The following CARNMT1 variants were observed in gnomAD, a reference collection of about 807,000 sequenced individuals.
CARNMT1 encodes the protein protein-L-histidine N-pros-methyltransferase CARNMT1.
A neutral mutation model predicts 49.6 loss-of-function variants in CARNMT1; 28 were observed. That is an observed-to-expected ratio of 0.56 (90% CI 0.42 to 0.77). The LOEUF (loss-of-function observed/expected upper bound fraction) is 0.77. Among genes scored for constraint, CARNMT1 ranks in the 30% least tolerant of loss-of-function variants. CARNMT1 has a pLI of 0.00. For missense variants in CARNMT1, 421 were observed against 512.6 expected (o/e 0.82, Z 1.73); for synonymous variants, 178 against 175.0 (o/e 1.02, Z -0.13).
chr9:74,981,911 GTTTT>G lies in CARNMT1; in HGVS notation c.*1852_*1855del, dbSNP rs5898389. ...TTCTTCTTTTAAAACAATAATTTGAGTTTTTTTTTTCTTCCTTGCCACTAAATTC... is the reference window on the plus strand; with the variant it reads ...TTCTTCTTTTAAAACAATAATTTGAGTTTTTTCTTCCTTGCCACTAAATTC... On this transcript the variant is annotated 3_prime_UTR_variant, in exon 8 of 8. Transcript: ENST00000376834. 6.8e-6 allele frequency: 1 copy of G among 146,650 alleles called. No homozygotes were observed. Among genetic ancestry groups the G allele is most frequent in the Admixed American group, 6.9e-5 (1 of 14,530 alleles). The allele number at this position is 146,650 out of a possible 1,614,324, so 9.1% of individuals were successfully genotyped here.
intron 6 of CARNMT1, among the ~76,000 whole-genome samples, chr9:74,990,482 ATGTATG>A (rs1832977500): frequency 6.6e-6 from 1 of 152,148 alleles, no homozygotes; most frequent in South Asian, 2.1e-4. Context: ...GTTTGTGTGT[ATGTATG>A]TGTGTGTGTT....
chr9:75,027,744 A>G (rs2118889272), intron 1 of CARNMT1, among the ~76,000 whole-genome samples: 1 of 152,338 alleles, frequency 6.6e-6, no homozygotes, highest in East Asian at 1.9e-4. Context: ...AACCTTTACG[A>G]GGACGGAGGC....
In CARNMT1 at chr9:74,984,895, T is replaced by C. The variant is rs1182784257; in HGVS notation, c.1128+12A>G. 9 of 1,576,092 alleles carry C rather than the reference T, an allele frequency of 5.7e-6. No individual in the cohort carries two copies. The highest frequency in any genetic ancestry group is 2.7e-5 in the African/African-American group (2 of 74,164). The stretch of plus-strand genomic sequence containing the variant: ...GGAGTTAAACTTTGGCAATATTTTA[T>C]TCCATTCTTACCTCTACCTTGAATC... On this transcript the variant is annotated intron_variant, in intron 7 of 7. Coordinates refer to ENST00000376834, the MANE Select transcript of CARNMT1 (RefSeq NM_152420.3).
At chr9:75,021,436 A>G (rs1200270308) in intron 1 of CARNMT1, among the ~76,000 whole-genome samples, 1 of 145,988 alleles carries the variant, frequency 6.8e-6, no homozygotes, top group Non-Finnish European at 1.5e-5. Flanking sequence ...TAAATAGTAT[A>G]TATAATATAA....
At chr9:75,005,347 A>G (rs542231600) in intron 3 of CARNMT1, among the ~76,000 whole-genome samples, 1 of 152,356 alleles carries the variant, frequency 6.6e-6, no homozygotes, top group South Asian at 2.1e-4. Flanking sequence ...TGTGCTTGCA[A>G]ACTCAGGCAT....
intron 3 of CARNMT1, among the ~76,000 whole-genome samples, chr9:75,005,864 ACACACACAC>A (rs983736380): frequency 2.7e-5 from 4 of 150,258 alleles, no homozygotes; most frequent in African/African-American, 7.5e-5. Context: ...ACACACACAC[ACACACACAC>A]AATAAAAGGC....
rs1174890032 is a variant in CARNMT1 at position 74,982,308 on chromosome 9, T to C, written c.*1459A>G. 1 of 152,212 alleles carries C rather than the reference T, an allele frequency of 6.6e-6. No individual in the cohort carries two copies. The highest frequency in any genetic ancestry group is 2.4e-5 in the African/African-American group (1 of 41,462). The allele number at this position is 152,212 out of a possible 1,614,324, so 9.4% of individuals were successfully genotyped here. A position where few individuals can be genotyped will look rare whatever the true frequency, so the allele number is the denominator to read the frequency against. On this transcript the variant is annotated 3_prime_UTR_variant, in exon 8 of 8. Transcript: ENST00000376834. ...CTAATTTAAATTGCCACAGAGGTCA[T>C]TTAAAGCAATCACAATCATCTGTGA...
chr9:75,015,384 T>C (rs917187838), intron 3 of CARNMT1, among the ~76,000 whole-genome samples: 5 of 152,216 alleles, frequency 3.3e-5, no homozygotes, highest in African/African-American at 9.6e-5. Flanking sequence ...AAGTGATATA[T>C]GATTTAAAAA....
intron 1 of CARNMT1, among the ~76,000 whole-genome samples, chr9:75,017,673 T>C (rs570110687): frequency 1.3e-5 from 2 of 152,326 alleles, no homozygotes; most frequent in South Asian, 4.1e-4. Flanking sequence ...GGTTTATCAC[T>C]AGTAAAAGTA....
chr9:75,006,164 G>A (rs1330777434), intron 3 of CARNMT1, among the ~76,000 whole-genome samples: 2 of 151,826 alleles, frequency 1.3e-5, no homozygotes, highest in African/African-American at 2.4e-5. Flanking sequence ...TGATTCTCCT[G>A]CCTTGGCCTC....
chr9:74,988,734 C>G (rs1832924468), intron 6 of CARNMT1, among the ~76,000 whole-genome samples: 1 of 152,196 alleles, frequency 6.6e-6, no homozygotes, highest in African/African-American at 2.4e-5. Context: ...AGCATATATT[C>G]TTATTTGTGT....
rs536524732 is a variant in CARNMT1, at chr9:75,006,172, C to T, written c.591-6302G>A. On this transcript the variant is annotated intron_variant, in intron 3 of 7. Coordinates refer to ENST00000376834, the MANE Select transcript of CARNMT1 (RefSeq NM_152420.3). ...GTTCAAGTGATTCTCCTGCCTTGGC[C>T]TCCCAGGTAGCTGGGATTACAAGTG... is the stretch of plus-strand genomic sequence containing the variant. Among the ~76,000 whole-genome samples the T allele has an allele frequency of 2.6e-5, 4 of 152,244 alleles. No individual in the cohort carries two copies. The East Asian group carries it at 7.7e-4, about 29-fold the overall frequency.
chr9:75,012,131 T>C (rs936767649), intron 3 of CARNMT1, among the ~76,000 whole-genome samples: 9 of 152,212 alleles, frequency 5.9e-5, no homozygotes, highest in Admixed American at 4.6e-4. Context: ...ATTTTTCTGC[T>C]AGCAAATGTG....
chr9:75,005,009 G>A (rs1010855145), intron 3 of CARNMT1, among the ~76,000 whole-genome samples: 22 of 152,012 alleles, frequency 1.4e-4, no homozygotes, highest in African/African-American at 5.1e-4. Context: ...CCTACTATAA[G>A]CTTTACAGCA....
At chr9:75,024,277 C>A (rs1462400945) in intron 1 of CARNMT1, among the ~76,000 whole-genome samples, 1 of 152,200 alleles carries the variant, frequency 6.6e-6, no homozygotes, top group African/African-American at 2.4e-5. Context: ...ACTAGTATAA[C>A]TCCTCATTAA....
At chr9:75,017,536 T>C in intron 1 of CARNMT1, 88 bp from the exon 2 acceptor site, 1 of 1,101,314 alleles carries the variant, frequency 9.1e-7, no homozygotes. Flanking sequence ...TGTACAATTA[T>C]TTCCTTATTA....
intron 1 of CARNMT1, among the ~76,000 whole-genome samples, chr9:75,021,234 G>GT (rs1275689773): frequency 1.4e-5 from 2 of 144,486 alleles, no homozygotes; most frequent in Non-Finnish European, 3.0e-5. Flanking sequence ...ATACTATATA[G>GT]AGTATATATA....
chr9:75,019,821 T>C (rs1036028956), intron 1 of CARNMT1, among the ~76,000 whole-genome samples: 4 of 152,224 alleles, frequency 2.6e-5, no homozygotes, highest in Non-Finnish European at 5.9e-5. Flanking sequence ...GTGCACTTTG[T>C]CAGGGTTGTT....
chr9:74,996,660 A>G (rs1833196576), intron 5 of CARNMT1, 100 bp from the exon 6 acceptor site: 1 of 648,316 alleles, frequency 1.5e-6, no homozygotes, highest in Admixed American at 3.0e-5. Flanking sequence ...CAGAGTATTA[A>G]TATTTGACAG....
Sources: allele counts gnomAD v4.1 joint callset (sites outside exome capture counted in the v4.1 genomes callset), GRCh38; gene constraint gnomAD v4.1.1; transcripts MANE v1.5; gene names NCBI Gene and HGNC (gene_info 2026-07-23, HGNC 2026-07-21).